Variants in FNDC3A observed in about 807,000 individuals in gnomAD.
The protein encoded by FNDC3A is fibronectin type-III domain-containing protein 3A.
In FNDC3A, 32 loss-of-function variants were observed where a neutral mutation model predicts 148.9. The ratio of observed to expected loss-of-function variants is 0.21; its 90% CI spans 0.16 to 0.29. FNDC3A has a LOEUF of 0.29. Ranked by LOEUF, FNDC3A falls within the 10% of genes least tolerant of loss-of-function variation. The pLI, the probability that FNDC3A is intolerant of heterozygous loss-of-function variation, is 1.00. For synonymous variants in FNDC3A, 472 were observed against 473.6 expected (o/e 1.00, Z 0.04); for missense variants, 1,191 against 1,452.8 (o/e 0.82, Z 2.93).
At chr13:48,983,501 T>C (rs1226663206) in intron 1 of FNDC3A, among the ~76,000 whole-genome samples, 2 of 152,194 alleles carry the variant, frequency 1.3e-5, no homozygotes, top group African/African-American at 4.8e-5. Flanking sequence ...AAAACAGCCA[T>C]AGATAAATTA....
intron 1 of FNDC3A, among the ~76,000 whole-genome samples, chr13:48,979,451 A>G (rs1006157987): frequency 3.9e-5 from 6 of 152,178 alleles, no homozygotes; most frequent in African/African-American, 1.2e-4. Context: ...AAGGCATTCC[A>G]AAAGAGATTC....
At chr13:49,151,483 G>C (rs939201601) in intron 8 of FNDC3A, among the ~76,000 whole-genome samples, 3 of 152,072 alleles carry the variant, frequency 2.0e-5, no homozygotes, top group Non-Finnish European at 4.4e-5. Context: ...GGTGAGATGA[G>C]TTTCTTGTAG....
At chr13:49,113,786 A>AG (rs1269055889) in intron 3 of FNDC3A, among the ~76,000 whole-genome samples, 6 of 152,160 alleles carry the variant, frequency 3.9e-5, no homozygotes, top group Admixed American at 2.0e-4. Flanking sequence ...AAGGAACTGA[A>AG]GGGGGGTAAG....
At chr13:49,202,014 T>C in intron 24 of FNDC3A, 48 bp downstream of exon 24, 1 of 1,191,026 alleles carries the variant, frequency 8.4e-7, no homozygotes, top group Non-Finnish European at 1.1e-6. Context: ...AATTACTTTT[T>C]AATGTATTTT....
chr13:49,204,424 T>G (rs1294513241), intron 25 of FNDC3A, among the ~76,000 whole-genome samples: 2 of 152,234 alleles, frequency 1.3e-5, no homozygotes, highest in East Asian at 3.8e-4. Context: ...CTTCATTTGT[T>G]TTATTCCAGT....
chr13:49,149,898 G>A (rs73494401), intron 8 of FNDC3A, among the ~76,000 whole-genome samples: 232 of 152,140 alleles, frequency 1.5e-3, no homozygotes, highest in African/African-American at 5.1e-3. Flanking sequence ...TCTATTTCTC[G>A]CTGATTGAAT....
At chr13:49,185,806 T>C (rs1885537903) in intron 14 of FNDC3A, among the ~76,000 whole-genome samples, 158 bp from the exon 15 acceptor site, 1 of 152,218 alleles carries the variant, frequency 6.6e-6, no homozygotes, top group Non-Finnish European at 1.5e-5. Context: ...CAAGTATCTA[T>C]TGGAGACAAG....
At chr13:49,037,037 G>C (rs1593501159) in intron 2 of FNDC3A, among the ~76,000 whole-genome samples, 1 of 152,192 alleles carries the variant, frequency 6.6e-6, no homozygotes. Flanking sequence ...AAAGTAAAGA[G>C]TATGCAGATC....
At chr13:49,094,256 C>T (rs1304080843) in intron 3 of FNDC3A, among the ~76,000 whole-genome samples, 1 of 152,024 alleles carries the variant, frequency 6.6e-6, no homozygotes, top group African/African-American at 2.4e-5. Flanking sequence ...AAGGTGTGTG[C>T]TTTAAACCTT....
intron 8 of FNDC3A, among the ~76,000 whole-genome samples, chr13:49,161,908 A>C (rs2138025370): frequency 6.6e-6 from 1 of 152,194 alleles, no homozygotes; most frequent in East Asian, 1.9e-4. Flanking sequence ...CTGATTGAAA[A>C]TTCTTTAAGA....
At chr13:49,146,813 T>G (rs758425994) in intron 8 of FNDC3A, 3 of 152,224 alleles carry the variant, frequency 2.0e-5, no homozygotes, top group African/African-American at 7.2e-5. Flanking sequence ...CATTTATGAT[T>G]GACAGTTTTG....
chr13:49,209,764 TAGA>T lies in FNDC3A; in HGVS notation c.*2372_*2374del, dbSNP rs1886810002. The T allele has an allele frequency of 6.6e-6, 1 of 152,210 alleles. No homozygotes were observed. The highest frequency in any genetic ancestry group is 6.5e-5 in the Admixed American group (1 of 15,278). The allele number at this position is 152,210 out of a possible 1,614,324, so 9.4% of individuals were successfully genotyped here. A position where few individuals can be genotyped will look rare whatever the true frequency, so the allele number is the denominator to read the frequency against. On this transcript the variant is annotated 3_prime_UTR_variant, in exon 26 of 26. Coordinates refer to ENST00000492622, the MANE Select transcript of FNDC3A (RefSeq NM_001079673.2). ...TATAAAGCCCAGTAAAGAATAAAAT[TAGA>T]AGTTTTATCCTAGTGACTTGATTTT...
intron 14 of FNDC3A, among the ~76,000 whole-genome samples, chr13:49,184,724 C>G (rs145152011): frequency 2.4e-4 from 36 of 152,192 alleles, no homozygotes; most frequent in African/African-American, 8.4e-4. Context: ...GTGGTAGCAG[C>G]TAAATGAAGG....
intron 1 of FNDC3A, among the ~76,000 whole-genome samples, chr13:48,993,393 G>A (rs1951956538): frequency 6.6e-6 from 1 of 152,138 alleles, no homozygotes; most frequent in Non-Finnish European, 1.5e-5. Flanking sequence ...AATAATCCCT[G>A]CAGGTCATTC....
At chr13:48,986,395 T>TTG (rs1951799113) in intron 1 of FNDC3A, among the ~76,000 whole-genome samples, 1 of 114,784 alleles carries the variant, frequency 8.7e-6, no homozygotes, top group Non-Finnish European at 1.8e-5. Flanking sequence ...GTTTTTTTTT[T>TTG]TTTTTTTTTT....
intron 2 of FNDC3A, among the ~76,000 whole-genome samples, chr13:49,023,743 G>A (rs1462810554): frequency 6.6e-6 from 1 of 151,904 alleles, no homozygotes; most frequent in Non-Finnish European, 1.5e-5. Flanking sequence ...CTTGAAAGTA[G>A]CACTGTATAA....
intron 2 of FNDC3A, among the ~76,000 whole-genome samples, chr13:49,012,326 G>T (rs1303032159): frequency 6.6e-6 from 1 of 152,032 alleles, no homozygotes; most frequent in Non-Finnish European, 1.5e-5. Flanking sequence ...TGTTAGCCAG[G>T]ATGGTCTTGA....
rs116232622 is a variant in FNDC3A, at chr13:49,172,583, T to C, written c.1230+487T>C. On this transcript the variant is annotated intron_variant, in intron 11 of 25. Coordinates refer to ENST00000492622, the MANE Select transcript of FNDC3A (RefSeq NM_001079673.2). ...TAGGCTGTCCTCATTACTTGGTTCA[T>C]GGCCACATCACATTGCGTTTTCTCC... is the stretch of plus-strand genomic sequence containing the variant. Among the ~76,000 whole-genome samples, 158 of 152,296 alleles carry C rather than the reference T, an allele frequency of 1.0e-3. 1 individual carries two copies. The highest frequency in any genetic ancestry group is 3.6e-3 in the African/African-American group (149 of 41,572).
intron 2 of FNDC3A, among the ~76,000 whole-genome samples, chr13:49,051,342 A>G (rs968192526): frequency 1.3e-5 from 2 of 152,178 alleles, no homozygotes; most frequent in East Asian, 3.9e-4. Context: ...AGCTCCTTTT[A>G]GCAGTTCTTG....
Sources: allele counts gnomAD v4.1 joint callset (sites outside exome capture counted in the v4.1 genomes callset), GRCh38; gene constraint gnomAD v4.1.1; transcripts MANE v1.5; gene names NCBI Gene and HGNC (gene_info 2026-07-23, HGNC 2026-07-21).